The following UNC5D variants were observed in gnomAD, a reference collection of about 807,000 sequenced individuals.
UNC5D encodes the protein unc-5 netrin receptor D.
In UNC5D, 39 loss-of-function variants were observed where a neutral mutation model predicts 105.4. That is an observed-to-expected ratio of 0.37 (90% CI 0.29 to 0.48). The LOEUF is 0.48. UNC5D is among the 20% of genes least tolerant of loss of function. The pLI, the probability that UNC5D is intolerant of heterozygous loss-of-function variation, is 0.98. For missense variants in UNC5D, 991 were observed against 1,202.4 expected (o/e 0.82, Z 2.60); for synonymous variants, 452 against 450.4 (o/e 1.00, Z -0.04).
At chr8:35,294,701 T>C (rs1268575780) in intron 1 of UNC5D, among the ~76,000 whole-genome samples, 7 of 150,808 alleles carry the variant, frequency 4.6e-5, no homozygotes, top group East Asian at 3.9e-4. Context: ...TTTCTTCTTT[T>C]TTTTTTTTTT....
chr8:35,576,010 T>A (rs1563551704), intron 3 of UNC5D, among the ~76,000 whole-genome samples: 1 of 152,176 alleles, frequency 6.6e-6, no homozygotes, highest in East Asian at 1.9e-4. Flanking sequence ...CCTGGGCACA[T>A]AGGTACTGTT....
intron 1 of UNC5D, among the ~76,000 whole-genome samples, chr8:35,513,541 A>G (rs1400272634): frequency 6.6e-6 from 1 of 151,960 alleles, no homozygotes; most frequent in Admixed American, 6.5e-5. Context: ...GCCCTTCCTC[A>G]ACAAGCTATT....
intron 1 of UNC5D, among the ~76,000 whole-genome samples, chr8:35,370,575 A>T (rs554673405): frequency 6.6e-6 from 1 of 152,186 alleles, no homozygotes; most frequent in Non-Finnish European, 1.5e-5. Flanking sequence ...AATGTTGTAT[A>T]TATTTCTTAA....
intron 1 of UNC5D, among the ~76,000 whole-genome samples, chr8:35,447,368 G>A (rs1807868162): frequency 6.6e-6 from 1 of 152,040 alleles, no homozygotes; most frequent in Admixed American, 6.6e-5. Flanking sequence ...TGTTTTTTAA[G>A]AGAGCTGCAG....
At chr8:35,627,712 T>G (rs1821775592) in intron 4 of UNC5D, among the ~76,000 whole-genome samples, 2 of 152,154 alleles carry the variant, frequency 1.3e-5, no homozygotes, top group Admixed American at 1.3e-4. Flanking sequence ...AAGGTTCACT[T>G]GAGCCTGGGA....
intron 4 of UNC5D, among the ~76,000 whole-genome samples, chr8:35,669,115 A>AAAT (rs1824609906): frequency 1.3e-5 from 2 of 152,116 alleles, no homozygotes; most frequent in African/African-American, 4.8e-5. Context: ...AGGCTTGAAT[A>AAAT]AATATGTTCA....
intron 8 of UNC5D, among the ~76,000 whole-genome samples, chr8:35,711,519 C>G (rs893377523): frequency 1.3e-5 from 2 of 152,030 alleles, no homozygotes; most frequent in African/African-American, 4.8e-5. Flanking sequence ...ATTTTCCTTC[C>G]TACCCTCTCA....
intron 1 of UNC5D, among the ~76,000 whole-genome samples, chr8:35,485,525 A>G (rs1810768144): frequency 6.6e-6 from 1 of 152,180 alleles, no homozygotes; most frequent in African/African-American, 2.4e-5. Flanking sequence ...TGAAGCACAG[A>G]CAAGTGTTAT....
intron 7 of UNC5D, among the ~76,000 whole-genome samples, chr8:35,699,685 G>A (rs1372059838): frequency 1.3e-5 from 2 of 152,092 alleles, no homozygotes; most frequent in Admixed American, 6.6e-5. Flanking sequence ...TTTTAAAAGG[G>A]GTAATAGATC....
At position 35,584,517 on chromosome 8, in the gene UNC5D, C is replaced by G. The variant is rs747494251; in HGVS notation, c.467-11037C>G. On this transcript the variant is annotated intron_variant, in intron 3 of 16. Transcript: ENST00000404895. Reference sequence around the variant, plus strand: ...GTGGCTTCCAACTCCTGGGCCCACACGATTCTCCTGTCTCAGCCTCCCAAG... The same window carrying G: ...GTGGCTTCCAACTCCTGGGCCCACAGGATTCTCCTGTCTCAGCCTCCCAAG... Among the ~76,000 whole-genome samples the G allele has an allele frequency of 2.0e-5, 3 of 152,058 alleles. No homozygotes were observed. In the South Asian group the frequency reaches 6.2e-4, roughly 31 times the overall value.
At chr8:35,275,892 G>T (rs1038277472) in intron 1 of UNC5D, among the ~76,000 whole-genome samples, 2 of 152,030 alleles carry the variant, frequency 1.3e-5, no homozygotes, top group South Asian at 4.1e-4. Context: ...AGACCTTCTG[G>T]AAACAAAATA....
intron 1 of UNC5D, among the ~76,000 whole-genome samples, chr8:35,397,452 A>T (rs1159687705): frequency 6.6e-6 from 1 of 152,048 alleles, no homozygotes; most frequent in Admixed American, 6.6e-5. Context: ...AACAGTCTGG[A>T]CTATGTTAAC....
intron 8 of UNC5D, among the ~76,000 whole-genome samples, chr8:35,708,133 A>G (rs1827711555): frequency 6.6e-6 from 1 of 152,220 alleles, no homozygotes; most frequent in East Asian, 1.9e-4. Context: ...ATATATAGCC[A>G]TACACATGAT....
intron 15 of UNC5D, among the ~76,000 whole-genome samples, chr8:35,770,466 T>C (rs1050787091): frequency 6.6e-6 from 1 of 152,140 alleles, no homozygotes; most frequent in Non-Finnish European, 1.5e-5. Flanking sequence ...AAGTTATTTT[T>C]CTGACCAAGA....
intron 1 of UNC5D, among the ~76,000 whole-genome samples, chr8:35,479,084 TCTAA>T (rs1285462440): frequency 6.6e-6 from 1 of 152,196 alleles, no homozygotes; most frequent in African/African-American, 2.4e-5. Context: ...ATTTTTCTTT[TCTAA>T]CTGTTAAAAG....
intron 1 of UNC5D, among the ~76,000 whole-genome samples, chr8:35,402,077 C>A (rs551393155): frequency 6.6e-6 from 1 of 152,308 alleles, no homozygotes; most frequent in Non-Finnish European, 1.5e-5. Flanking sequence ...AGGCCCTGCA[C>A]TTCTCAGTGT....
rs546432170 is a variant in UNC5D, at chr8:35,628,037, A to G, written c.570+32380A>G. On this transcript the variant is annotated intron_variant, in intron 4 of 16. Transcript: ENST00000404895. ...GTGCATTAGTCTGTATGTGATGGAT[A>G]ATACCATGTTTCATAGACCTAATCA... 2.0e-5 allele frequency among the ~76,000 whole-genome samples: 3 copies of G among 152,282 alleles called. No homozygotes were observed. The South Asian group carries it at 6.2e-4, about 32-fold the overall frequency.
intron 8 of UNC5D, among the ~76,000 whole-genome samples, chr8:35,716,034 A>G (rs1828232343): frequency 6.6e-6 from 1 of 152,174 alleles, no homozygotes; most frequent in Admixed American, 6.5e-5. Flanking sequence ...GTTGCATAGC[A>G]TCAGTTTTTT....
chr8:35,761,486 G>A (rs57529054), intron 14 of UNC5D, among the ~76,000 whole-genome samples: 4,718 of 152,278 alleles, frequency 0.031, 263 homozygotes, highest in African/African-American at 0.11. Context: ...CAAAGCCAGA[G>A]GATGTTGACT....
Sources: allele counts gnomAD v4.1 joint callset (sites outside exome capture counted in the v4.1 genomes callset), GRCh38; gene constraint gnomAD v4.1.1; transcripts MANE v1.5; gene names NCBI Gene and HGNC (gene_info 2026-07-23, HGNC 2026-07-21).